Variants in PBX1 observed in about 807,000 individuals in gnomAD.
PBX1 encodes the protein PBX homeobox 1.
In PBX1, 6 loss-of-function variants were observed where a neutral mutation model predicts 53.4. The observed-to-expected ratio is 0.11, with a 90% CI of 0.06 to 0.22. The LOEUF is 0.22. Ranked by LOEUF, PBX1 falls within the 10% of genes least tolerant of loss-of-function variation. The pLI is 1.00. For synonymous variants in PBX1, 204 were observed against 212.3 expected (o/e 0.96, Z 0.34); for missense variants, 251 against 551.4 (o/e 0.46, Z 5.46).
intron 2 of PBX1, among the ~76,000 whole-genome samples, chr1:164,596,025 G>A (rs1655730928): frequency 6.6e-6 from 1 of 151,522 alleles, no homozygotes; most frequent in South Asian, 2.1e-4. Flanking sequence ...CTATTAGAGT[G>A]AGTTGTAAAG....
At chr1:164,691,133 G>C (rs1269138758) in intron 2 of PBX1, among the ~76,000 whole-genome samples, 1 of 147,908 alleles carries the variant, frequency 6.8e-6, no homozygotes, top group Admixed American at 7.0e-5. Flanking sequence ...TCCTGCCTCA[G>C]CCTCTTGAAT....
At chr1:164,561,047 C>T (rs934027168) in intron 1 of PBX1, among the ~76,000 whole-genome samples, 1 of 152,156 alleles carries the variant, frequency 6.6e-6, no homozygotes, top group Admixed American at 6.5e-5. Context: ...AAGTGACAAC[C>T]CGCTAACAGC....
chr1:164,785,677 G>A (rs1392342611), intron 2 of PBX1, among the ~76,000 whole-genome samples: 1 of 152,222 alleles, frequency 6.6e-6, no homozygotes, highest in African/African-American at 2.4e-5. Context: ...GGTCATCCAA[G>A]GTCCCAGGAT....
intron 2 of PBX1, chr1:164,642,291 G>A (rs1208328715): frequency 2.6e-5 from 4 of 152,196 alleles, no homozygotes; most frequent in Non-Finnish European, 5.9e-5. Flanking sequence ...AAGTAGAAGT[G>A]TCTTGCCAAG....
At chr1:164,700,692 A>T (rs1663068053) in intron 2 of PBX1, 1 of 985,368 alleles carries the variant, frequency 1.0e-6, no homozygotes, top group Non-Finnish European at 1.2e-6. Flanking sequence ...ATGGAAGGGG[A>T]CCCAACTCTC....
intron 2 of PBX1, among the ~76,000 whole-genome samples, chr1:164,883,839 T>C (rs1465396390): frequency 6.6e-6 from 1 of 152,234 alleles, no homozygotes; most frequent in Non-Finnish European, 1.5e-5. Flanking sequence ...CATTTTTCTC[T>C]GACAATGTTT....
At chr1:164,718,247 T>G (rs1485354564) in intron 2 of PBX1, among the ~76,000 whole-genome samples, 1 of 152,232 alleles carries the variant, frequency 6.6e-6, no homozygotes, top group Non-Finnish European at 1.5e-5. Flanking sequence ...TTGTTGGCAT[T>G]GCAGCATATT....
At chr1:164,582,456 CTT>C (rs1345496310) in intron 2 of PBX1, among the ~76,000 whole-genome samples, 1 of 148,448 alleles carries the variant, frequency 6.7e-6, no homozygotes, top group East Asian at 2.0e-4. Flanking sequence ...GAGTTTCGCT[CTT>C]GTTCCCCAGG....
chr1:164,672,916 C>T (rs748501110), intron 2 of PBX1, among the ~76,000 whole-genome samples: 1 of 152,010 alleles, frequency 6.6e-6, no homozygotes. Flanking sequence ...CATCCTTTTC[C>T]TCCTTTCTTT....
Position 164,755,167 on chromosome 1 carries a change from C to T in PBX1, c.266-37327C>T, listed in dbSNP as rs538136572. Among the ~76,000 whole-genome samples, 4 of 152,260 alleles carry T rather than the reference C, an allele frequency of 2.6e-5. No homozygotes were observed. In the East Asian group the frequency reaches 5.8e-4, roughly 22 times the overall value. On this transcript the variant is annotated intron_variant, in intron 2 of 8. Transcript: ENST00000420696. ...AGAATCTAGGCTGTGAACTAGACAT[C>T]CTGCTACACTTGTGGGTATTTTCAC... is the stretch of plus-strand genomic sequence containing the variant.
In PBX1 at chr1:164,826,880, C is replaced by CA. The variant is rs143215443; in HGVS notation, c.1200+5262dup. ...ATGCCGTTAACATCAATTTATGACACAAAAAAAACTCATTAATCTTGCTTT... is the reference window on the plus strand; with the variant it reads ...ATGCCGTTAACATCAATTTATGACACAAAAAAAAACTCATTAATCTTGCTTT... On this transcript the variant is annotated intron_variant, in intron 8 of 8. Coordinates refer to ENST00000420696, the MANE Select transcript of PBX1 (RefSeq NM_002585.4). Among the ~76,000 whole-genome samples, 431 of 151,546 alleles carry CA rather than the reference C, an allele frequency of 2.8e-3. 1 individual carries two copies. Among genetic ancestry groups the CA allele is most frequent in the African/African-American group, 9.7e-3 (401 of 41,314 alleles).
intron 2 of PBX1, among the ~76,000 whole-genome samples, chr1:164,763,464 A>C (rs932268169): frequency 2.0e-5 from 3 of 152,198 alleles, no homozygotes; most frequent in African/African-American, 7.2e-5. Flanking sequence ...TAGTATTACG[A>C]CTACATTTAG....
rs748373753 is a variant in PBX1 at position 164,821,493 on chromosome 1, A to C, written c.1111-44A>C. 6 of 1,471,948 alleles carry C rather than the reference A, an allele frequency of 4.1e-6. No individual in the cohort carries two copies. The South Asian group carries it at 6.8e-5, about 17-fold the overall frequency. The allele number at this position is 1,471,948 out of a possible 1,614,324, so 91.2% of individuals were successfully genotyped here. ...TGATGATCTGCCTCCCTTTTCCTAC[A>C]CCTCTCTGACTAATTTTCTCTCTGT... On this transcript the variant is annotated intron_variant, in intron 7 of 8. Transcript: ENST00000420696.
At chr1:164,580,828 C>G (rs938758112) in intron 2 of PBX1, among the ~76,000 whole-genome samples, 3 of 152,204 alleles carry the variant, frequency 2.0e-5, no homozygotes, top group African/African-American at 7.2e-5. Flanking sequence ...ATCCACCCTC[C>G]TCGACCTCCC....
At chr1:164,750,182 G>GTGTGTA (rs1394150542) in intron 2 of PBX1, among the ~76,000 whole-genome samples, 1 of 149,010 alleles carries the variant, frequency 6.7e-6, no homozygotes, top group African/African-American at 2.5e-5. Context: ...GTGTGTGTGT[G>GTGTGTA]TACATGCACA....
In PBX1 at chr1:164,821,644, C is replaced by G; in HGVS notation, c.1200+18C>G. 6.3e-7 allele frequency: 1 copy of G among 1,594,178 alleles called. No individual in the cohort carries two copies. Among genetic ancestry groups the G allele is most frequent in the Non-Finnish European group, 8.6e-7 (1 of 1,161,968 alleles). On this transcript the variant is annotated intron_variant, in intron 8 of 8. Coordinates refer to ENST00000420696, the MANE Select transcript of PBX1 (RefSeq NM_002585.4). ...GCATCAGTGTAAGAAAACAAGCCCC[C>G]CCACCCCCTGCTTTGTTTTTATTCT...
intron 2 of PBX1, among the ~76,000 whole-genome samples, chr1:164,779,067 G>A (rs1265412636): frequency 1.4e-5 from 2 of 147,678 alleles, no homozygotes; most frequent in Non-Finnish European, 3.0e-5. Flanking sequence ...TTTTTGAGAC[G>A]GAGTCTCACT....
chr1:164,717,092 A>G (rs1664143533), intron 2 of PBX1, among the ~76,000 whole-genome samples: 2 of 152,170 alleles, frequency 1.3e-5, no homozygotes, highest in African/African-American at 4.8e-5. Flanking sequence ...AGAGGACAGC[A>G]TTTTTATAGC....
intron 3 of PBX1, among the ~76,000 whole-genome samples, chr1:164,799,293 A>G (rs572620876): frequency 5.9e-5 from 9 of 152,264 alleles, no homozygotes; most frequent in African/African-American, 2.2e-4. Context: ...GATCGAGACC[A>G]TCCTGGCTAA....
Sources: allele counts gnomAD v4.1 joint callset (sites outside exome capture counted in the v4.1 genomes callset), GRCh38; gene constraint gnomAD v4.1.1; transcripts MANE v1.5; gene names NCBI Gene and HGNC (gene_info 2026-07-23, HGNC 2026-07-21).